COQ9: variants seen among roughly 807,000 people sequenced by gnomAD.
COQ9 encodes the protein coenzyme Q9.
A neutral mutation model predicts 42.4 loss-of-function variants in COQ9; 35 were observed. The observed-to-expected ratio is 0.83, with a 90% CI of 0.63 to 1.10. COQ9 has a LOEUF of 1.10. Among genes scored for constraint, COQ9 ranks in the 50% least tolerant of loss-of-function variants. The pLI is 0.00. For missense variants in COQ9, 406 were observed against 414.6 expected (o/e 0.98, Z 0.18); for synonymous variants, 155 against 155.1 (o/e 1.00, Z 0.00).
chr16:57,447,739 C>G, intron 1 of COQ9, 161 bp downstream of exon 1: 1 of 506,728 alleles, frequency 2.0e-6, no homozygotes, highest in Non-Finnish European at 3.1e-6. Context: ...GCCTGGCTAG[C>G]TTCGGCCCTG....
Position 57,450,913 on chromosome 16 carries a change from A to C in COQ9, c.74-127A>C, listed in dbSNP as rs2030270074. The C allele has an allele frequency of 8.5e-6, 9 of 1,061,616 alleles. No individual in the cohort carries two copies. The South Asian group carries it at 9.5e-5, about 11-fold the overall frequency. 65.8% of individuals were successfully genotyped at this position (1,061,616 alleles called of 1,614,324 possible). On this transcript the variant is annotated intron_variant, in intron 1 of 8. Coordinates refer to ENST00000262507, the MANE Select transcript of COQ9 (RefSeq NM_020312.4). ...TACCCAATATTTTTGTGTGGGACCCAACACTTGGATAAGTGGTTCTACAGG... is the reference window on the plus strand; with the variant it reads ...TACCCAATATTTTTGTGTGGGACCCCACACTTGGATAAGTGGTTCTACAGG...
At position 57,460,730 on chromosome 16, in the gene COQ9, C is replaced by A; in HGVS notation, c.*106C>A. The A allele has an allele frequency of 1.9e-6, 2 of 1,076,358 alleles. No homozygotes were observed. Among genetic ancestry groups the A allele is most frequent in the Non-Finnish European group, 1.4e-6 (1 of 706,234 alleles). The allele number at this position is 1,076,358 out of a possible 1,614,324, so 66.7% of individuals were successfully genotyped here. A position where few individuals can be genotyped will look rare whatever the true frequency, so the allele number is the denominator to read the frequency against. On this transcript the variant is annotated 3_prime_UTR_variant, in exon 9 of 9. Transcript: ENST00000262507. ...CCACATAACCTGGTGTTCACGAGAACACACTAAAGGACTCCTGAGTCACTA... is the reference window on the plus strand; with the variant it reads ...CCACATAACCTGGTGTTCACGAGAAAACACTAAAGGACTCCTGAGTCACTA...
intron 1 of COQ9, among the ~76,000 whole-genome samples, chr16:57,450,223 G>C (rs1598035675): frequency 6.6e-6 from 1 of 152,234 alleles, no homozygotes; most frequent in East Asian, 1.9e-4. Flanking sequence ...AGACCAGCCT[G>C]GCCAACATGG....
intron 8 of COQ9, 112 bp downstream of exon 8, chr16:57,460,216 A>G: frequency 2.7e-6 from 3 of 1,105,246 alleles, no homozygotes; most frequent in Non-Finnish European, 4.1e-6. Flanking sequence ...ACAATAATCT[A>G]ATAATAAGGC....
At chr16:57,447,871 A>G in intron 1 of COQ9, 2 of 321,962 alleles carry the variant, frequency 6.2e-6, no homozygotes, top group Non-Finnish European at 1.1e-5. Context: ...CCTGTTGGTT[A>G]CAGAACTGGC....
At chr16:57,453,153 A>T in intron 3 of COQ9, 1 of 604,046 alleles carries the variant, frequency 1.7e-6, no homozygotes, top group East Asian at 2.9e-5. Context: ...TTGTGTTCTA[A>T]AGGCAATCTA....
rs1323051988 is a variant in COQ9, at chr16:57,451,223, A to G, written c.242+15A>G. 1 of 1,613,630 alleles carries G rather than the reference A, an allele frequency of 6.2e-7. No individual in the cohort carries two copies. Among genetic ancestry groups the G allele is most frequent in the East Asian group, 2.2e-5 (1 of 44,880 alleles). On this transcript the variant is annotated intron_variant, in intron 2 of 8. Coordinates refer to ENST00000262507, the MANE Select transcript of COQ9 (RefSeq NM_020312.4). ...TCACCCCCCAGGTAGGCACCAATCCACCTATTTCTGGCCACTTCATATGCT... is the reference window on the plus strand; with the variant it reads ...TCACCCCCCAGGTAGGCACCAATCCGCCTATTTCTGGCCACTTCATATGCT...
intron 3 of COQ9, 91 bp downstream of exon 3, chr16:57,453,027 G>A: frequency 1.9e-6 from 3 of 1,539,436 alleles, no homozygotes; most frequent in South Asian, 1.1e-5. Flanking sequence ...CCTTCTTCCA[G>A]TCTAGCTCAG....
intron 4 of COQ9, 79 bp downstream of exon 4, chr16:57,456,725 C>A: frequency 6.5e-7 from 1 of 1,532,550 alleles, no homozygotes; most frequent in East Asian, 2.3e-5. Context: ...GCCCAGGAGG[C>A]CAATCCAAGC....
intron 3 of COQ9, 67 bp downstream of exon 3, chr16:57,453,003 C>T (rs765076504): frequency 1.2e-5 from 19 of 1,595,856 alleles, no homozygotes; most frequent in South Asian, 4.4e-5. Flanking sequence ...CCAGGCAGAG[C>T]GGGGGGCCTC....
intron 3 of COQ9, among the ~76,000 whole-genome samples, chr16:57,455,142 T>G: frequency 6.6e-6 from 1 of 150,854 alleles, no homozygotes; most frequent in African/African-American, 2.4e-5. Flanking sequence ...TGGGAGAGAG[T>G]GACAGGATGG....
In COQ9 at chr16:57,460,079, A is replaced by G; in HGVS notation, c.896A>G (p.Gln299Arg). Residue 299 changes from glutamine to arginine, a missense_variant, in exon 8 of 9, where the codon CAA (glutamine) becomes CGA (arginine). Gln to Arg is a conservative substitution (Grantham distance 43, BLOSUM62 1). Coordinates refer to ENST00000262507, the MANE Select transcript of COQ9 (RefSeq NM_020312.4). ...AAGTCCACAGGAGAGGCACTGGTGCAAGGACTCATGGGTGCAGCAGTGACG... is the reference window on the plus strand; with the variant it reads ...AAGTCCACAGGAGAGGCACTGGTGCGAGGACTCATGGGTGCAGCAGTGACG... ...QVKSTGEALV[Q>R]GLMGAAVTLK... The G allele has an allele frequency of 1.2e-6, 2 of 1,614,158 alleles. No homozygotes were observed. Among genetic ancestry groups the G allele is most frequent in the Non-Finnish European group, 1.7e-6 (2 of 1,180,034 alleles).
At chr16:57,460,207 C>T in intron 8 of COQ9, 103 bp downstream of exon 8, 6 of 1,175,994 alleles carry the variant, frequency 5.1e-6, no homozygotes, top group Non-Finnish European at 7.5e-6. Flanking sequence ...AACCTGGAAA[C>T]AATAATCTAA....
Position 57,460,111 on chromosome 16 carries a change from A to G in COQ9, c.921+7A>G. Reference sequence around the variant, plus strand: ...CATGGGTGCAGCAGTGACGGTGAGTACTGCCCAGCACATCCCTGCCCCTCC... The same window carrying G: ...CATGGGTGCAGCAGTGACGGTGAGTGCTGCCCAGCACATCCCTGCCCCTCC... On this transcript the variant is annotated splice_region_variant and intron_variant, in intron 8 of 8. Transcript: ENST00000262507. The G allele has an allele frequency of 6.2e-7, 1 of 1,613,978 alleles. No individual in the cohort carries two copies. The highest frequency in any genetic ancestry group is 1.7e-4 in the Middle Eastern group (1 of 6,060).
At chr16:57,460,014 T>TG (rs1555514725) in intron 7 of COQ9, 37 bp from the exon 8 acceptor site, 1 of 1,606,236 alleles carries the variant, frequency 6.2e-7, no homozygotes, top group Non-Finnish European at 8.5e-7. Flanking sequence ...AACTTTGTGT[T>TG]GGTGGCCTAA....
At chr16:57,450,915 C>A in intron 1 of COQ9, 125 bp from the exon 2 acceptor site, 1 of 1,073,542 alleles carries the variant, frequency 9.3e-7, no homozygotes, top group Non-Finnish European at 1.4e-6. Flanking sequence ...TGGGACCCAA[C>A]ACTTGGATAA....
chr16:57,456,790 C>A, intron 4 of COQ9, 141 bp from the exon 5 acceptor site: 1 of 1,325,826 alleles, frequency 7.5e-7, no homozygotes, highest in Non-Finnish European at 1.1e-6. Flanking sequence ...GGACTGAAAC[C>A]TGGCAGCCTG....
chr16:57,449,866 ATACATT>A (rs1443349171), intron 1 of COQ9, among the ~76,000 whole-genome samples: 7 of 152,192 alleles, frequency 4.6e-5, no homozygotes, highest in Admixed American at 4.6e-4. Context: ...GTGCAAGTGT[ATACATT>A]TGTCAAAACT....
chr16:57,447,897 C>T, intron 1 of COQ9: 1 of 272,104 alleles, frequency 3.7e-6, no homozygotes. Flanking sequence ...CAGACCCATT[C>T]TCAAGTCCAT....
Sources: allele counts gnomAD v4.1 joint callset (sites outside exome capture counted in the v4.1 genomes callset), GRCh38; gene constraint gnomAD v4.1.1; transcripts MANE v1.5; gene names NCBI Gene and HGNC (gene_info 2026-07-23, HGNC 2026-07-21).